The following TJP2 variants were observed in gnomAD, a reference collection of about 807,000 sequenced individuals.
The protein encoded by TJP2 is tight junction protein 2, also known as Friedreich ataxia region gene X104 (tight junction protein ZO-2).
A neutral mutation model predicts 133.1 loss-of-function variants in TJP2; 91 were observed. The ratio of observed to expected loss-of-function variants is 0.68; its 90% CI spans 0.58 to 0.81. TJP2 has a LOEUF of 0.81. Among genes scored for constraint, TJP2 ranks in the 40% least tolerant of loss-of-function variants. TJP2 has a pLI of 0.00. For synonymous variants in TJP2, 592 were observed against 583.4 expected (o/e 1.01, Z -0.21); for missense variants, 1,541 against 1,565.6 (o/e 0.98, Z 0.26).
In TJP2 at chr9:69,246,695, A is replaced by G. The variant is rs749897367; in HGVS notation, c.2572A>G (p.Ile858Val). ...KTCAHLFTAT[I>V]NLNSANDSWF... Reference sequence around the variant, plus strand: ...TTTTGTTTATATTTCTATAGCTACAATCAACCTAAATTCAGCCAATGATAG... The same window carrying G: ...TTTTGTTTATATTTCTATAGCTACAGTCAACCTAAATTCAGCCAATGATAG... The change falls in exon 18 of 23, where the codon ATC becomes GTC. Residue 858 changes from isoleucine to valine, a missense_variant. By Grantham distance (29) the Ile-to-Val change is conservative. Coordinates refer to ENST00000377245, the MANE Select transcript of TJP2 (RefSeq NM_004817.4). The G allele has an allele frequency of 1.5e-5, 25 of 1,614,038 alleles. No homozygotes were observed. Among genetic ancestry groups the G allele is most frequent in the East Asian group, 6.7e-5 (3 of 44,862 alleles).
At position 69,237,040 on chromosome 9, in the gene TJP2, G is replaced by T. The variant is rs140497048; in HGVS notation, c.2083G>T (p.Val695Leu). Residue 695 changes from valine (V) to leucine (L), a missense_variant, in exon 14 of 23, where the codon GTG becomes TTG. Val to Leu is a conservative substitution (Grantham distance 32, BLOSUM62 1). Coordinates refer to ENST00000377245, the MANE Select transcript of TJP2 (RefSeq NM_004817.4). ...FWRMRGQRSG[V>L]KKNLRKSRED... ...GAGAATGCGTGGCCAGAGGTCTGGGGTGAAGAAGAACCTGAGGAAAAGTCG... is the reference window on the plus strand; with the variant it reads ...GAGAATGCGTGGCCAGAGGTCTGGGTTGAAGAAGAACCTGAGGAAAAGTCG... The T allele has an allele frequency of 1.7e-5, 27 of 1,614,062 alleles. No homozygotes were observed. The African/African-American group carries it at 2.8e-4, about 17-fold the overall frequency.
chr9:69,125,908 A>G lies in TJP2; in HGVS notation c.-131+4183A>G, dbSNP rs1822288967. 2.6e-5 allele frequency among the ~76,000 whole-genome samples: 2 copies of G among 77,174 alleles called. 1 individual carries two copies. The highest frequency in any genetic ancestry group is 3.7e-4 in the Admixed American group (2 of 5,344). The allele number at this position is 77,174 out of a possible 152,430, so 50.6% of individuals were successfully genotyped here. A position where few individuals can be genotyped will look rare whatever the true frequency, so the allele number is the denominator to read the frequency against. ...TATCAAGGTACTGGACTAGTATTTG[A>G]TTTAGCATTAATGAACACTAGTTGT... is the stretch of plus-strand genomic sequence containing the variant. On this transcript the variant is annotated intron_variant, in intron 1 of 5. Transcript: ENST00000423935.
rs1451281313 is a variant in TJP2, at chr9:69,229,345, T to G, written c.1520+95T>G. On this transcript the variant is annotated intron_variant, in intron 10 of 22. Transcript: ENST00000377245. ...AGAGTGGTGGTTTTTGCCTAGATGGTGATTTTGTACACTGTCAGCCACCTG... is the reference window on the plus strand; with the variant it reads ...AGAGTGGTGGTTTTTGCCTAGATGGGGATTTTGTACACTGTCAGCCACCTG... The G allele has an allele frequency of 3.9e-6, 5 of 1,273,062 alleles. No homozygotes were observed. The Admixed American group carries it at 8.4e-5, about 21-fold the overall frequency. The allele number at this position is 1,273,062 out of a possible 1,614,324, so 78.9% of individuals were successfully genotyped here.
intron 22 of TJP2, 25 bp downstream of exon 22, chr9:69,252,925 G>T (rs752168904): frequency 6.2e-7 from 1 of 1,609,314 alleles, no homozygotes; most frequent in Non-Finnish European, 8.5e-7. Flanking sequence ...GTGGGTACAG[G>T]TCTAAGGCGG....
chr9:69,253,174 A>G, intron 22 of TJP2: 1 of 499,558 alleles, frequency 2.0e-6, no homozygotes, highest in Non-Finnish European at 3.6e-6. Flanking sequence ...GTTATGTTAC[A>G]TTGCACATGG....
At chr9:69,130,498 G>T (rs1270647177) in intron 1 of TJP2, among the ~76,000 whole-genome samples, 2 of 152,064 alleles carry the variant, frequency 1.3e-5, no homozygotes, top group African/African-American at 4.8e-5. Context: ...GATCTGGGGC[G>T]GGGGCTCAAG....
intron 10 of TJP2, among the ~76,000 whole-genome samples, chr9:69,229,672 C>T (rs945131438): frequency 6.6e-6 from 1 of 152,122 alleles, no homozygotes; most frequent in Non-Finnish European, 1.5e-5. Context: ...ATAATCAGAA[C>T]CCCTAGTTCA....
intron 1 of TJP2, among the ~76,000 whole-genome samples, chr9:69,192,992 G>C (rs1039952323): frequency 4.8e-5 from 7 of 147,260 alleles, no homozygotes; most frequent in African/African-American, 1.8e-4. Context: ...CACAGTCTCA[G>C]CTCACTTGAG....
At chr9:69,160,330 G>A (rs1292597776) in intron 2 of TJP2, among the ~76,000 whole-genome samples, 3 of 152,188 alleles carry the variant, frequency 2.0e-5, no homozygotes. Flanking sequence ...AAAGCTGAAA[G>A]CTCCCTACAT....
At chr9:69,220,042 C>T (rs184463982) in intron 4 of TJP2, among the ~76,000 whole-genome samples, 2 of 152,160 alleles carry the variant, frequency 1.3e-5, no homozygotes, top group Non-Finnish European at 2.9e-5. Flanking sequence ...TCCCAGCTAT[C>T]GGGAGGGTGA....
At chr9:69,225,940 A>T in intron 6 of TJP2, 82 bp from the exon 7 acceptor site, 2 of 1,469,370 alleles carry the variant, frequency 1.4e-6, no homozygotes, top group Non-Finnish European at 1.9e-6. Flanking sequence ...CAAAGCCTTT[A>T]CATTTTTAGA....
Position 69,231,255 on chromosome 9 carries a change from G to A in TJP2, c.1671+1023G>A, listed in dbSNP as rs950825125. 2.6e-5 allele frequency among the ~76,000 whole-genome samples: 4 copies of A among 152,114 alleles called. 1 individual carries two copies. The highest frequency in any genetic ancestry group is 2.6e-4 in the Admixed American group (4 of 15,254). On this transcript the variant is annotated intron_variant, in intron 11 of 22. Coordinates refer to ENST00000377245, the MANE Select transcript of TJP2 (RefSeq NM_004817.4). ...CTCCCCAGTAGCTGGGATTACAGGT[G>A]AACTCTTAATTTTTGTCTTTTTAGT...
chr9:69,218,183 T>C, intron 3 of TJP2, 74 bp from the exon 4 acceptor site: 1 of 1,269,390 alleles, frequency 7.9e-7, no homozygotes. Flanking sequence ...GCTGCTTCTA[T>C]TTGTTCCTAA....
At chr9:69,212,728 GATACTAACTGGCAATAATTGCT>G (rs899763356) in intron 2 of TJP2, 127 bp downstream of exon 2, 1 of 712,818 alleles carries the variant, frequency 1.4e-6, no homozygotes, top group Non-Finnish European at 2.5e-6. Flanking sequence ...ATGTATTATA[GATACTAACTGGCAATAATTGCT>G]ATGTTAACAA....
intron 15 of TJP2, 99 bp from the exon 16 acceptor site, chr9:69,238,607 CACTT>C (rs1268779537): frequency 4.6e-6 from 4 of 869,896 alleles, no homozygotes; most frequent in South Asian, 4.3e-5. Context: ...TGTTAGGAGA[CACTT>C]AATGTCAGGT....
At chr9:69,213,382 C>T (rs1828093497) in intron 2 of TJP2, among the ~76,000 whole-genome samples, 2 of 152,112 alleles carry the variant, frequency 1.3e-5, no homozygotes, top group African/African-American at 4.8e-5. Context: ...TTTATTCCGT[C>T]AAGCTGCCTT....
At chr9:69,217,316 GC>G (rs1164245407) in intron 3 of TJP2, among the ~76,000 whole-genome samples, 1 of 152,134 alleles carries the variant, frequency 6.6e-6, no homozygotes, top group African/African-American at 2.4e-5. Flanking sequence ...CATGATACAT[GC>G]CTGATTCCCA....
At position 69,228,070 on chromosome 9, in the gene TJP2, T is replaced by C; in HGVS notation, c.1409T>C (p.Val470Ala). 1 of 1,613,578 alleles carries C rather than the reference T, an allele frequency of 6.2e-7. No homozygotes were observed. Among genetic ancestry groups the C allele is most frequent in the Admixed American group, 1.7e-5 (1 of 59,900 alleles). Residue 470 changes from valine to alanine, a missense_variant, in exon 9 of 23, where the codon GTC (valine) becomes GCC (alanine). Val to Ala is a moderately conservative substitution (Grantham distance 64, BLOSUM62 0). Transcript: ENST00000377245. Reference protein sequence around the residue: ...KSTGDIAGTVVPETNKEPRYQ... With the variant: ...KSTGDIAGTVAPETNKEPRYQ... Reference sequence around the variant, plus strand: ...ACAGGGGATATTGCAGGCACAGTTGTCCCAGAGACCAACAAGGAACCCAGA... The same window carrying C: ...ACAGGGGATATTGCAGGCACAGTTGCCCCAGAGACCAACAAGGAACCCAGA...
rs561742800 is a variant in TJP2 at position 69,151,463 on chromosome 9, A to T, written c.-130-188A>T. Among the ~76,000 whole-genome samples, 68 of 48,456 alleles carry T rather than the reference A, an allele frequency of 1.4e-3. No homozygotes were observed. In the East Asian group the frequency reaches 0.071, roughly 51 times the overall value. The allele number at this position is 48,456 out of a possible 152,430, so 31.8% of individuals were successfully genotyped here. ...CCATTGCACTCTAGCCTGGGCAACA[A>T]GAGCAAAACTCCGTCTCAAAAAAAA... is the stretch of plus-strand genomic sequence containing the variant. On this transcript the variant is annotated intron_variant, in intron 1 of 5. Coordinates refer to the TJP2 transcript ENST00000423935.
Sources: allele counts gnomAD v4.1 joint callset (sites outside exome capture counted in the v4.1 genomes callset), GRCh38; gene constraint gnomAD v4.1.1; transcripts MANE v1.5; gene names NCBI Gene and HGNC (gene_info 2026-07-23, HGNC 2026-07-21).